Variants in CPLX4 observed in about 807,000 individuals in gnomAD.
CPLX4 encodes the protein complexin-4.
CPLX4 carries 17 observed loss-of-function variants against 16.1 expected under a neutral mutation model. The observed-to-expected ratio is 1.06, with a 90% confidence interval of 0.72 to 1.59. CPLX4 has a LOEUF of 1.59. Among genes scored for constraint, CPLX4 ranks in the 40% most tolerant of loss-of-function variants. The pLI is 0.00. For synonymous variants in CPLX4, 55 were observed against 57.8 expected (o/e 0.95, Z 0.22); for missense variants, 193 against 192.9 (o/e 1.00, Z 0.00).
chr18:59,298,094 T>TTA (rs1017172368), intron 2 of CPLX4, among the ~76,000 whole-genome samples: 1 of 129,764 alleles, frequency 7.7e-6, no homozygotes, highest in African/African-American at 3.4e-5. Flanking sequence ...GATTCCTTTA[T>TTA]TTTTTTTTTT....
At chr18:59,300,869 C>T (rs1161765956) in intron 2 of CPLX4, among the ~76,000 whole-genome samples, 1 of 152,192 alleles carries the variant, frequency 6.6e-6, no homozygotes, top group Non-Finnish European at 1.5e-5. Flanking sequence ...GTTTTTCTAA[C>T]AAGCCAGGCT....
intron 2 of CPLX4, among the ~76,000 whole-genome samples, chr18:59,307,210 G>A (rs2070582565): frequency 1.3e-5 from 2 of 152,196 alleles, no homozygotes; most frequent in Admixed American, 1.3e-4. Context: ...GTGACCTTCG[G>A]AACGTCCCTA....
Position 59,296,564 on chromosome 18 carries a change from A to T in CPLX4, c.*134T>A. Reference sequence around the variant, plus strand: ...CAGGAATATTTAGAACAACCAAATTATTGTCTGTCAATGGATCATCGTGGT... The same window carrying T: ...CAGGAATATTTAGAACAACCAAATTTTTGTCTGTCAATGGATCATCGTGGT... On this transcript the variant is annotated 3_prime_UTR_variant, in exon 3 of 3. Transcript: ENST00000299721. 1.1e-6 allele frequency: 1 copy of T among 910,832 alleles called. No individual in the cohort carries two copies. The highest frequency in any genetic ancestry group is 1.7e-6 in the Non-Finnish European group (1 of 591,118). The allele number at this position is 910,832 out of a possible 1,614,324, so 56.4% of individuals were successfully genotyped here. A position where few individuals can be genotyped will look rare whatever the true frequency, so the allele number is the denominator to read the frequency against.
chr18:59,303,645 C>T (rs922478542), intron 2 of CPLX4, among the ~76,000 whole-genome samples: 2 of 152,064 alleles, frequency 1.3e-5, no homozygotes, highest in African/African-American at 2.4e-5. Flanking sequence ...TCTGAGCAGG[C>T]GTTCTCATCT....
At position 59,312,573 on chromosome 18, in the gene CPLX4, A is replaced by AAT. The variant is rs56778145; in HGVS notation, c.255+110_255+111dup. The AAT allele has an allele frequency of 5.6e-3, 1,260 of 225,232 alleles. 4 individuals are homozygous for AAT. Among genetic ancestry groups the AAT allele is most frequent in the South Asian group, 0.012 (85 of 7,210 alleles). The allele number at this position is 225,232 out of a possible 1,614,324, so 14.0% of individuals were successfully genotyped here. A position where few individuals can be genotyped will look rare whatever the true frequency, so the allele number is the denominator to read the frequency against. On this transcript the variant is annotated intron_variant, in intron 2 of 2. Transcript: ENST00000299721. The stretch of plus-strand genomic sequence containing the variant: ...TATTTTTATATATATATATATCTTG[A>AAT]ATATATATATATATATTCATATTCA...
intron 2 of CPLX4, among the ~76,000 whole-genome samples, chr18:59,303,487 G>A (rs1348821620): frequency 3.3e-5 from 5 of 152,130 alleles, no homozygotes; most frequent in Non-Finnish European, 7.3e-5. Context: ...TTGCAAAAAT[G>A]TCATTCTGCT....
intron 2 of CPLX4, among the ~76,000 whole-genome samples, chr18:59,297,126 G>T (rs1020206090): frequency 6.6e-6 from 1 of 152,060 alleles, no homozygotes; most frequent in Admixed American, 6.5e-5. Context: ...ACCTTGCGTC[G>T]ATCAGAACCT....
rs547759664 is a variant in CPLX4 at position 59,301,244 on chromosome 18, G to T, written c.256-4319C>A. 4.9e-4 allele frequency among the ~76,000 whole-genome samples: 74 copies of T among 152,354 alleles called. 1 individual carries two copies. Among genetic ancestry groups the T allele is most frequent in the Middle Eastern group, 3.4e-3 (1 of 294 alleles). On this transcript the variant is annotated intron_variant, in intron 2 of 2. Transcript: ENST00000299721. ...GAGCATAGTCTACAAGAGGGGTGTG[G>T]GCTCTGCCTGGGCTAGGCCCTTTGG...
In CPLX4 at chr18:59,312,771, T is replaced by A. The variant is rs2070626485; in HGVS notation, c.169A>T (p.Met57Leu). The change falls in exon 2 of 3, where the codon ATG (methionine) becomes TTG (leucine). Residue 57 changes from methionine (M) to leucine (L), a missense_variant and splice_region_variant. By Grantham distance (15) the Met-to-Leu change is conservative. Transcript: ENST00000299721. ...EYQKQMIEEKMERDAAFTQKK... is the reference protein window; with the variant it reads ...EYQKQMIEEKLERDAAFTQKK... ...TGTGTAAATGCAGCATCTCTTTCCA[T>A]CCTAAAAGTTAAAGAATAAAGGATC... 1 of 1,272,154 alleles carries A rather than the reference T, an allele frequency of 7.9e-7. No homozygotes were observed. Among genetic ancestry groups the A allele is most frequent in the African/African-American group, 1.5e-5 (1 of 68,406 alleles). 78.8% of individuals were successfully genotyped at this position (1,272,154 alleles called of 1,614,324 possible). A position where few individuals can be genotyped will look rare whatever the true frequency, so the allele number is the denominator to read the frequency against.
chr18:59,316,407 T>C (rs1461704271), intron 1 of CPLX4, among the ~76,000 whole-genome samples: 1 of 152,234 alleles, frequency 6.6e-6, no homozygotes, highest in Non-Finnish European at 1.5e-5. Context: ...GAGGCTTTCA[T>C]TTGCTAACAT....
intron 2 of CPLX4, among the ~76,000 whole-genome samples, chr18:59,304,696 C>T (rs1472469367): frequency 1.3e-5 from 2 of 152,070 alleles, no homozygotes; most frequent in African/African-American, 2.4e-5. Context: ...CTCAGCCTCC[C>T]GAGTAGCTGG....
intron 2 of CPLX4, among the ~76,000 whole-genome samples, chr18:59,299,218 C>A (rs143475291): frequency 6.6e-6 from 1 of 152,204 alleles, no homozygotes; most frequent in Non-Finnish European, 1.5e-5. Flanking sequence ...CCTTGCTGAT[C>A]GTCTTCTGGG....
chr18:59,309,348 T>A lies in CPLX4; in HGVS notation c.255+3337A>T, dbSNP rs2070599628. ...GTAAACTGCAATGAATGATGGTGTGTACAATGTTCTCAAGTGAAATTCTTA... is the reference window on the plus strand; with the variant it reads ...GTAAACTGCAATGAATGATGGTGTGAACAATGTTCTCAAGTGAAATTCTTA... On this transcript the variant is annotated intron_variant, in intron 2 of 2. Coordinates refer to ENST00000299721, the MANE Select transcript of CPLX4 (RefSeq NM_181654.4). 2.0e-5 allele frequency among the ~76,000 whole-genome samples: 3 copies of A among 152,352 alleles called. No individual in the cohort carries two copies. In the South Asian group the frequency reaches 6.2e-4, roughly 32 times the overall value.
At position 59,308,491 on chromosome 18, in the gene CPLX4, TTTG is replaced by T. The variant is rs1418225653; in HGVS notation, c.255+4191_255+4193del. Among the ~76,000 whole-genome samples, 16 of 151,896 alleles carry T rather than the reference TTTG, an allele frequency of 1.1e-4. No homozygotes were observed. In the South Asian group the frequency reaches 2.5e-3, roughly 24 times the overall value. The stretch of plus-strand genomic sequence containing the variant: ...TTTTTTTTTTCCTTTTCTTTCTTTC[TTTG>T]TTGTTGTTTTGTTTTCCCCCCCATC... On this transcript the variant is annotated intron_variant, in intron 2 of 2. Transcript: ENST00000299721.
chr18:59,313,068 G>A (rs2070628481), intron 1 of CPLX4, among the ~76,000 whole-genome samples: 1 of 152,136 alleles, frequency 6.6e-6, no homozygotes, highest in South Asian at 2.1e-4. Flanking sequence ...GGACTGTTCA[G>A]CCAGGGACCA....
chr18:59,313,996 T>A (rs965735343), intron 1 of CPLX4, among the ~76,000 whole-genome samples: 2 of 152,198 alleles, frequency 1.3e-5, no homozygotes, highest in African/African-American at 4.8e-5. Flanking sequence ...GACTCCGAGT[T>A]TGTAAATAAT....
chr18:59,307,214 G>A (rs1035403023), intron 2 of CPLX4, among the ~76,000 whole-genome samples: 4 of 152,152 alleles, frequency 2.6e-5, no homozygotes, highest in South Asian at 2.1e-4. Context: ...CCTTCGGAAC[G>A]TCCCTACATT....
intron 2 of CPLX4, among the ~76,000 whole-genome samples, chr18:59,307,084 A>AG (rs1418808796): frequency 6.6e-6 from 1 of 152,164 alleles, no homozygotes; most frequent in East Asian, 1.9e-4. Context: ...TCAGTTCTAA[A>AG]GTCTACCACC....
intron 1 of CPLX4, among the ~76,000 whole-genome samples, chr18:59,318,075 A>G (rs528460941): frequency 6.6e-5 from 10 of 152,244 alleles, no homozygotes; most frequent in African/African-American, 2.2e-4. Context: ...TTCATTTATT[A>G]TTGTTCATTT....
Sources: gnomAD v4.1 joint callset for allele counts (sites outside exome capture counted in the v4.1 genomes callset) on GRCh38, gnomAD v4.1.1 for gene constraint, MANE v1.5 for transcripts, NCBI Gene and HGNC (gene_info 2026-07-23, HGNC 2026-07-21) for gene names.